The following GIPC1 variants were observed in gnomAD, a reference collection of about 807,000 sequenced individuals.
GIPC1 encodes the protein PDZ domain-containing protein GIPC1.
In GIPC1, 15 loss-of-function variants were observed where a neutral mutation model predicts 28.5. That is an observed-to-expected ratio of 0.53 (90% CI 0.35 to 0.81). The LOEUF is 0.81. Among genes scored for constraint, GIPC1 ranks in the 30% least tolerant of loss-of-function variants. GIPC1 has a pLI of 0.01. For missense variants in GIPC1, 439 were observed against 481.9 expected (o/e 0.91, Z 0.83); for synonymous variants, 224 against 206.1 (o/e 1.09, Z -0.74).
At chr19:14,482,572 G>A (rs967741022) in intron 4 of GIPC1, 117 bp downstream of exon 4, 1 of 1,033,494 alleles carries the variant, frequency 9.7e-7, no homozygotes, top group Non-Finnish European at 1.5e-6. Flanking sequence ...CCACTGAGTG[G>A]GGCCCAGGCT....
chr19:14,481,507 G>A (rs2071728507), intron 4 of GIPC1, among the ~76,000 whole-genome samples: 1 of 152,192 alleles, frequency 6.6e-6, no homozygotes, highest in Non-Finnish European at 1.5e-5. Context: ...CAGAACACGA[G>A]GTCAGGAGAT....
intron 2 of GIPC1, 127 bp from the exon 3 acceptor site, chr19:14,491,870 G>A (rs1189968567): frequency 2.0e-5 from 3 of 152,174 alleles, no homozygotes; most frequent in Non-Finnish European, 4.4e-5. Context: ...AACACTCCGG[G>A]AGGCCGAGGT....
chr19:14,488,225 C>T (rs564275408), intron 3 of GIPC1, among the ~76,000 whole-genome samples: 13 of 152,068 alleles, frequency 8.5e-5, no homozygotes, highest in African/African-American at 2.2e-4. Context: ...TTGAGGTTGA[C>T]GGATCACATG....
intron 3 of GIPC1, among the ~76,000 whole-genome samples, chr19:14,483,748 CAATAATAATAATAAT>C (rs151161206): frequency 0.027 from 3,787 of 141,512 alleles, 101 homozygotes; most frequent in Admixed American, 0.078. Context: ...GACTCTGTCT[CAATAATAATAATAAT>C]AATAATAATA....
Position 14,478,266 on chromosome 19 carries a change from G to A in GIPC1, c.*150C>T, listed in dbSNP as rs540629538. ...AGGGGATGGTACCGATTGGAGCGGG[G>A]CAGGGGGCCTGGCCCCACCTCCCCT... is the stretch of plus-strand genomic sequence containing the variant. On this transcript the variant is annotated 3_prime_UTR_variant, in exon 9 of 9. Transcript: ENST00000393033. This position sits in a 1 kb window ranked among gnomAD's most constrained non-coding sequence, Gnocchi z 5.2. 33 of 770,562 alleles carry A rather than the reference G, an allele frequency of 4.3e-5. No homozygotes were observed. In the African/African-American group the frequency reaches 5.1e-4, roughly 12 times the overall value. 47.7% of individuals were successfully genotyped at this position (770,562 alleles called of 1,614,324 possible). A position where few individuals can be genotyped will look rare whatever the true frequency, so the allele number is the denominator to read the frequency against.
chr19:14,490,950 G>A (rs957101119), intron 3 of GIPC1, among the ~76,000 whole-genome samples: 2 of 147,098 alleles, frequency 1.4e-5, no homozygotes, highest in African/African-American at 2.5e-5. Context: ...ACTCTAGCCT[G>A]GGTGACAGAG....
intron 4 of GIPC1, 133 bp downstream of exon 4, chr19:14,482,556 C>T (rs964960039): frequency 3.5e-6 from 3 of 860,196 alleles, no homozygotes; most frequent in Non-Finnish European, 1.9e-6. Flanking sequence ...AGGCCATTGG[C>T]CCCCACCACT....
chr19:14,495,656 C>T (rs1490141788), intron 1 of GIPC1, among the ~76,000 whole-genome samples: 1 of 151,956 alleles, frequency 6.6e-6, no homozygotes, highest in African/African-American at 2.4e-5. Flanking sequence ...CTCACTGCGT[C>T]CCCCCCAAGG....
At chr19:14,481,514 A>G (rs1253792696) in intron 4 of GIPC1, among the ~76,000 whole-genome samples, 1 of 152,078 alleles carries the variant, frequency 6.6e-6, no homozygotes, top group Non-Finnish European at 1.5e-5. Context: ...CGAGGTCAGG[A>G]GATCGAGACC....
intron 3 of GIPC1, among the ~76,000 whole-genome samples, chr19:14,485,475 A>C (rs1328305735): frequency 1.3e-5 from 2 of 151,382 alleles, no homozygotes; most frequent in African/African-American, 4.9e-5. Flanking sequence ...ACATGGTGAA[A>C]CCACATCTCT....
chr19:14,483,666 T>C (rs1390074858), intron 3 of GIPC1: 1 of 151,400 alleles, frequency 6.6e-6, no homozygotes, highest in Non-Finnish European at 1.5e-5. Context: ...TAAGAATTGC[T>C]TGAACCCAGG....
chr19:14,486,076 T>G (rs1447617750), intron 3 of GIPC1, among the ~76,000 whole-genome samples: 1 of 151,854 alleles, frequency 6.6e-6, no homozygotes. Context: ...GGCAAGGAGG[T>G]GATCTTTCTC....
At chr19:14,494,087 G>A (rs1427349059) in intron 1 of GIPC1, among the ~76,000 whole-genome samples, 1 of 152,158 alleles carries the variant, frequency 6.6e-6, no homozygotes, top group Non-Finnish European at 1.5e-5. Flanking sequence ...AGCCTCCTGA[G>A]TAGCTGGGCT....
intron 3 of GIPC1, among the ~76,000 whole-genome samples, chr19:14,486,566 G>A (rs1360415117): frequency 1.3e-5 from 2 of 152,100 alleles, no homozygotes; most frequent in Non-Finnish European, 2.9e-5. Flanking sequence ...GAATGACTAC[G>A]GTGAATGGTG....
chr19:14,485,700 T>TAGAGAGAG (rs1429212332), intron 3 of GIPC1, among the ~76,000 whole-genome samples: 9 of 68,812 alleles, frequency 1.3e-4, no homozygotes, highest in East Asian at 6.0e-4. Flanking sequence ...TATATATATA[T>TAGAGAGAG]ATAGAGAGAG....
chr19:14,493,263 T>A (rs1214442808), intron 1 of GIPC1, among the ~76,000 whole-genome samples: 1 of 152,206 alleles, frequency 6.6e-6, no homozygotes, highest in South Asian at 2.1e-4. Context: ...GTCTCTATTT[T>A]AAAACGTAAA....
Position 14,490,587 on chromosome 19 carries a change from G to C in GIPC1, c.-31+1069C>G, listed in dbSNP as rs1450225240. Among the ~76,000 whole-genome samples, 3 of 151,754 alleles carry C rather than the reference G, an allele frequency of 2.0e-5. No homozygotes were observed. The East Asian group carries it at 5.8e-4, about 29-fold the overall frequency. On this transcript the variant is annotated intron_variant, in intron 3 of 8. Coordinates refer to ENST00000393033, the MANE Select transcript of GIPC1 (RefSeq NM_005716.4). Reference sequence around the variant, plus strand: ...AGCTACTAGGGAGGCTGAGGCAGGAGAATCGCTTGAACCTGGGAGGCAGAG... The same window carrying C: ...AGCTACTAGGGAGGCTGAGGCAGGACAATCGCTTGAACCTGGGAGGCAGAG...
rs878926715 is a variant in GIPC1, at chr19:14,496,041, T to TCCGTCG, written c.-180_-179insCGACGG. ...CTTCTCGCAGAGGCCACTCACCTGC[T>TCCGTCG]CCGCCGCCGCCGCCGCCGCCGCCGC... is the stretch of plus-strand genomic sequence containing the variant. On this transcript the variant is annotated 5_prime_UTR_variant, in exon 1 of 9. Coordinates refer to ENST00000393033, the MANE Select transcript of GIPC1 (RefSeq NM_005716.4). 4.4e-6 allele frequency: 1 copy of TCCGTCG among 225,788 alleles called. No individual in the cohort carries two copies. Among genetic ancestry groups the TCCGTCG allele is most frequent in the Non-Finnish European group, 8.4e-6 (1 of 119,492 alleles). 14.0% of individuals were successfully genotyped at this position (225,788 alleles called of 1,614,324 possible). A position where few individuals can be genotyped will look rare whatever the true frequency, so the allele number is the denominator to read the frequency against.
intron 1 of GIPC1, among the ~76,000 whole-genome samples, chr19:14,494,826 C>T (rs2072043140): frequency 6.6e-6 from 1 of 152,138 alleles, no homozygotes; most frequent in Non-Finnish European, 1.5e-5. Flanking sequence ...GCCACTTCAG[C>T]CCGGATATTG....
Sources: gnomAD v4.1 joint callset for allele counts (sites outside exome capture counted in the v4.1 genomes callset) on GRCh38, gnomAD v4.1.1 for gene constraint, Gnocchi (gnomAD v3.1) non-coding constraint, MANE v1.5 for transcripts, NCBI Gene and HGNC (gene_info 2026-07-23, HGNC 2026-07-21) for gene names.